FANCM: variants seen among roughly 807,000 people sequenced by gnomAD.
FANCM encodes FA complementation group M.
A neutral mutation model predicts 199.5 loss-of-function variants in FANCM; 140 were observed. The ratio of observed to expected loss-of-function variants is 0.70; its 90% CI spans 0.61 to 0.81. The LOEUF is 0.81. Ranked by LOEUF, FANCM falls within the 30% of genes least tolerant of loss-of-function variation. The pLI, the probability that FANCM is intolerant of heterozygous loss-of-function variation, is 0.00. For synonymous variants in FANCM, 840 were observed against 836.8 expected, an observed-to-expected ratio of 1.00 and a Z score of -0.07; for missense variants, 2,410 against 2,421.4, an observed-to-expected ratio of 1.00 and a Z score of 0.10.
chr14:45,159,325 G>T, intron 9 of FANCM, 45 bp downstream of exon 9: 1 of 1,416,660 alleles, frequency 7.1e-7, no homozygotes, highest in Non-Finnish European at 9.9e-7. Context: ...AGATTGATTA[G>T]CTTTGCACTT....
chr14:45,194,847 C>T (rs7145397), intron 20 of FANCM, among the ~76,000 whole-genome samples: 12,716 of 150,568 alleles, frequency 0.084, 1,534 homozygotes, highest in African/African-American at 0.27. Context: ...AGCCTCGCTC[C>T]GTAGCCCAGG....
intron 7 of FANCM, 63 bp from the exon 8 acceptor site, chr14:45,155,310 C>T: frequency 1.4e-6 from 1 of 720,298 alleles, no homozygotes; most frequent in South Asian, 1.5e-5. Flanking sequence ...CTTTCATATA[C>T]ATTAGTGTAA....
chr14:45,184,293 T>C (rs1457314906), intron 17 of FANCM, among the ~76,000 whole-genome samples: 1 of 152,208 alleles, frequency 6.6e-6, no homozygotes, highest in Non-Finnish European at 1.5e-5. Flanking sequence ...CTTTCCTTTC[T>C]GATTAAGTTC....
At chr14:45,166,897 A>T in intron 10 of FANCM, 53 bp from the exon 11 acceptor site, 1 of 1,026,468 alleles carries the variant, frequency 9.7e-7, no homozygotes, top group Non-Finnish European at 1.5e-6. Context: ...GTTATGGATA[A>T]ATTGTTATTT....
intron 20 of FANCM, among the ~76,000 whole-genome samples, chr14:45,190,426 T>C (rs2139301926): frequency 6.6e-6 from 1 of 152,316 alleles, no homozygotes; most frequent in Admixed American, 6.5e-5. Flanking sequence ...TTAACATATG[T>C]GTTACCTCAA....
At chr14:45,156,752 T>C (rs985373685) in intron 8 of FANCM, among the ~76,000 whole-genome samples, 1 of 151,858 alleles carries the variant, frequency 6.6e-6, no homozygotes, top group Admixed American at 6.6e-5. Context: ...ACCCCGTCTC[T>C]ACTAAAAATA....
At chr14:45,178,923 G>C (rs983562962) in intron 14 of FANCM, among the ~76,000 whole-genome samples, 1 of 152,188 alleles carries the variant, frequency 6.6e-6, no homozygotes, top group Non-Finnish European at 1.5e-5. Context: ...AATGGGCCTG[G>C]CGCAATGGCT....
chr14:45,195,462 T>C (rs1179590973), intron 20 of FANCM: 1 of 443,852 alleles, frequency 2.3e-6, no homozygotes, highest in Non-Finnish European at 4.5e-6. Context: ...AATAAACGTT[T>C]AACTGTTTTT....
chr14:45,164,303 G>C (rs1304822351), intron 9 of FANCM, 56 bp from the exon 10 acceptor site: 1 of 1,389,726 alleles, frequency 7.2e-7, no homozygotes, highest in Non-Finnish European at 1.0e-6. Flanking sequence ...AATATGCTTT[G>C]ATCTACAGTT....
intron 6 of FANCM, among the ~76,000 whole-genome samples, chr14:45,154,357 T>C (rs1240685926): frequency 6.8e-6 from 1 of 148,142 alleles, no homozygotes; most frequent in African/African-American, 2.5e-5. Flanking sequence ...GTCAAGATCA[T>C]GCTGCTGCAC....
rs751719012 is a variant in FANCM at position 45,196,305 on chromosome 14, A to G, written c.5474A>G (p.His1825Arg). ...GGAACCTGTATTCTTGTAGGTGGTCATGAAATCACTTCTGGATTAGAAGTA... is the reference window on the plus strand; with the variant it reads ...GGAACCTGTATTCTTGTAGGTGGTCGTGAAATCACTTCTGGATTAGAAGTA... ...GKGTCILVGG[H>R]EITSGLEVIS... Residue 1825 changes from histidine to arginine, a missense_variant, in exon 21 of 23, where the codon CAT becomes CGT. By Grantham distance (29) the His-to-Arg change is conservative. Transcript: ENST00000267430. The G allele has an allele frequency of 4.7e-5, 76 of 1,614,066 alleles. No homozygotes were observed. The highest frequency in any genetic ancestry group is 5.7e-5 in the Non-Finnish European group (67 of 1,180,034).
At chr14:45,160,143 G>C (rs567907990) in intron 9 of FANCM, among the ~76,000 whole-genome samples, 1 of 150,676 alleles carries the variant, frequency 6.6e-6, no homozygotes, top group African/African-American at 2.4e-5. Flanking sequence ...GGGATTACAG[G>C]CACCCACGCC....
intron 12 of FANCM, among the ~76,000 whole-genome samples, chr14:45,171,691 TTGTGTGTG>T (rs3036344): frequency 1.0e-4 from 15 of 146,526 alleles, no homozygotes; most frequent in African/African-American, 3.3e-4. Flanking sequence ...GTAGTCCATG[TTGTGTGTG>T]TGTGTGTGTG....
chr14:45,176,555 G>T lies in FANCM; in HGVS notation c.3801G>T (p.Lys1267Asn), dbSNP rs780300878. ...DDLYGRYLEI[K>N]EISDANYVSN... The stretch of plus-strand genomic sequence containing the variant: ...TATATGGAAGGTATTTGGAAATTAA[G>T]GAGATAAGTGATGCAAATTATGTTT... The change falls in exon 14 of 23, where the codon AAG becomes AAT. Residue 1267 changes from lysine to asparagine, a missense_variant. Coordinates refer to ENST00000267430, the MANE Select transcript of FANCM (RefSeq NM_020937.4). 6.2e-7 allele frequency: 1 copy of T among 1,602,130 alleles called. No individual in the cohort carries two copies. The highest frequency in any genetic ancestry group is 1.1e-5 in the South Asian group (1 of 89,302).
chr14:45,136,674 G>A (rs774086405), intron 1 of FANCM, 135 bp downstream of exon 1: 5 of 822,468 alleles, frequency 6.1e-6, no homozygotes, highest in Non-Finnish European at 1.0e-5. Context: ...GCCCAAAACT[G>A]ATGAATAGGG....
chr14:45,194,680 T>C (rs1388114106), intron 20 of FANCM, among the ~76,000 whole-genome samples: 1 of 152,224 alleles, frequency 6.6e-6, no homozygotes, highest in African/African-American at 2.4e-5. Context: ...TTCATTCTTA[T>C]AATAAATAGC....
At chr14:45,181,734 A>T in intron 16 of FANCM, 29 bp downstream of exon 16, 2 of 1,407,452 alleles carry the variant, frequency 1.4e-6, no homozygotes, top group Non-Finnish European at 1.0e-6. Flanking sequence ...ATGTATAGTA[A>T]TCCAAATTCC....
At chr14:45,182,526 G>A (rs576991087) in intron 16 of FANCM, among the ~76,000 whole-genome samples, 3 of 152,194 alleles carry the variant, frequency 2.0e-5, no homozygotes, top group African/African-American at 7.2e-5. Context: ...ACAGGTTTGA[G>A]TTTGAAGTTT....
chr14:45,172,984 G>C (rs1272874837), intron 12 of FANCM, 71 bp from the exon 13 acceptor site: 1 of 1,110,492 alleles, frequency 9.0e-7, no homozygotes, highest in Admixed American at 1.8e-5. Context: ...TGTATATTGA[G>C]TGTTTTTTAA....
Sources: gnomAD v4.1 joint callset for allele counts (sites outside exome capture counted in the v4.1 genomes callset) on GRCh38, gnomAD v4.1.1 for gene constraint, MANE v1.5 for transcripts, NCBI Gene and HGNC (gene_info 2026-07-23, HGNC 2026-07-21) for gene names.